The following PTAR1 variants were observed in gnomAD, a reference collection of about 807,000 sequenced individuals.
The protein encoded by PTAR1 is protein prenyltransferase alpha subunit repeat-containing protein 1.
In PTAR1, 17 loss-of-function variants were observed where a neutral mutation model predicts 45.5. That is an observed-to-expected ratio of 0.37 (90% CI 0.26 to 0.56). PTAR1 has a LOEUF of 0.56. Among genes scored for constraint, PTAR1 ranks in the 20% least tolerant of loss-of-function variants. The pLI, the probability that PTAR1 is intolerant of heterozygous loss-of-function variation, is 0.77. For synonymous variants in PTAR1, 169 were observed against 171.3 expected (o/e 0.99, Z 0.11); for missense variants, 391 against 476.3 (o/e 0.82, Z 1.67).
intron 1 of PTAR1, among the ~76,000 whole-genome samples, chr9:69,755,567 A>C (rs1436508482): frequency 6.6e-6 from 1 of 152,204 alleles, no homozygotes; most frequent in Admixed American, 6.5e-5. Flanking sequence ...ACCAAACAGA[A>C]AACAGTCCAA....
intron 4 of PTAR1, among the ~76,000 whole-genome samples, chr9:69,733,392 C>T (rs10867996): frequency 0.4 from 61,413 of 151,850 alleles, 12,808 homozygotes; most frequent in East Asian, 0.49. Context: ...AAAATGCCCA[C>T]GATTTAAGAA....
intron 5 of PTAR1, among the ~76,000 whole-genome samples, chr9:69,727,026 TACACAC>T (rs71356128): frequency 3.4e-4 from 50 of 147,196 alleles, no homozygotes; most frequent in Non-Finnish European, 5.7e-4. Flanking sequence ...ATTGTGTATA[TACACAC>T]ACACACACAC....
chr9:69,734,359 C>A, intron 3 of PTAR1, 105 bp from the exon 4 acceptor site: 21 of 455,626 alleles, frequency 4.6e-5, no homozygotes, highest in Admixed American at 8.2e-5. Context: ...AAGCGAATGT[C>A]TAAGAATTTT....
At chr9:69,730,438 C>G (rs1825481876) in intron 5 of PTAR1, among the ~76,000 whole-genome samples, 1 of 151,362 alleles carries the variant, frequency 6.6e-6, no homozygotes, top group African/African-American at 2.4e-5. Context: ...CTCAGTCAAC[C>G]TGGACTCCGC....
chr9:69,749,692 T>A (rs931855621), intron 2 of PTAR1, among the ~76,000 whole-genome samples: 1 of 152,104 alleles, frequency 6.6e-6, no homozygotes, highest in Non-Finnish European at 1.5e-5. Context: ...AACCAATTAA[T>A]GACAGTATGT....
intron 3 of PTAR1, among the ~76,000 whole-genome samples, chr9:69,734,548 G>A (rs1434188944): frequency 6.6e-6 from 1 of 152,106 alleles, no homozygotes; most frequent in Non-Finnish European, 1.5e-5. Context: ...CTATTTGCGT[G>A]AGGGTAAATG....
chr9:69,712,174 G>A lies in PTAR1; in HGVS notation c.*6168C>T, dbSNP rs951189034. ...TAAGCAATCTAAAGTATGCTGCATA[G>A]TACCTTGAGGAAAGTGACTGCTATA... On this transcript the variant is annotated 3_prime_UTR_variant, in exon 8 of 8. Transcript: ENST00000340434. 2 of 152,110 alleles carry A rather than the reference G, an allele frequency of 1.3e-5. No homozygotes were observed. Among genetic ancestry groups the A allele is most frequent in the Non-Finnish European group, 2.9e-5 (2 of 68,008 alleles). 9.4% of individuals were successfully genotyped at this position (152,110 alleles called of 1,614,324 possible).
chr9:69,739,590 T>C (rs1052413949), intron 3 of PTAR1, among the ~76,000 whole-genome samples: 2 of 152,112 alleles, frequency 1.3e-5, no homozygotes, highest in Non-Finnish European at 2.9e-5. Flanking sequence ...AAAAATGCAT[T>C]AAAAAATCAC....
At chr9:69,730,346 TC>T (rs1303260230) in intron 5 of PTAR1, among the ~76,000 whole-genome samples, 1 of 151,982 alleles carries the variant, frequency 6.6e-6, no homozygotes, top group Non-Finnish European at 1.5e-5. Flanking sequence ...ACCAAAAATT[TC>T]ACTTTGGCCC....
chr9:69,723,139 A>C (rs72721127), intron 6 of PTAR1, among the ~76,000 whole-genome samples, 187 bp downstream of exon 6: 5 of 3,458 alleles, frequency 1.4e-3, no homozygotes, highest in East Asian at 0.02. Flanking sequence ...TCTCTTATTA[A>C]TGATGATGAT....
intron 1 of PTAR1, among the ~76,000 whole-genome samples, chr9:69,759,504 C>G (rs1440756376): frequency 1.3e-5 from 2 of 152,180 alleles, no homozygotes; most frequent in African/African-American, 2.4e-5. Flanking sequence ...GGACCCACAT[C>G]GTTGTGTGCG....
intron 5 of PTAR1, chr9:69,731,842 T>C: frequency 2.6e-6 from 1 of 389,152 alleles, no homozygotes; most frequent in Non-Finnish European, 4.7e-6. Flanking sequence ...CTATAAGGCT[T>C]AATAATCCCT....
rs539621730 is a variant in PTAR1, at chr9:69,755,016, A to T, written c.87-4066T>A. 9.2e-5 allele frequency among the ~76,000 whole-genome samples: 14 copies of T among 152,308 alleles called. 1 individual carries two copies. The East Asian group carries it at 2.7e-3, about 29-fold the overall frequency. Reference sequence around the variant, plus strand: ...TTGCAATGAATGTGCTATAAATATCAAACATATCTCTAGTTATTTCTTTAC... The same window carrying T: ...TTGCAATGAATGTGCTATAAATATCTAACATATCTCTAGTTATTTCTTTAC... On this transcript the variant is annotated intron_variant, in intron 1 of 7. Coordinates refer to ENST00000340434, the MANE Select transcript of PTAR1 (RefSeq NM_001099666.2).
chr9:69,711,639 C>T lies in PTAR1; in HGVS notation c.*6703G>A, dbSNP rs73461062. The T allele has an allele frequency of 1.3e-5, 2 of 152,158 alleles. No homozygotes were observed. Among genetic ancestry groups the T allele is most frequent in the African/African-American group, 2.4e-5 (1 of 41,446 alleles). The allele number at this position is 152,158 out of a possible 1,614,324, so 9.4% of individuals were successfully genotyped here. On this transcript the variant is annotated 3_prime_UTR_variant, in exon 8 of 8. Transcript: ENST00000340434. ...TACAGAGACTGATTGCAGAAGACTA[C>T]AGCAGTTCTCTCTAGAGTTCAGCCA...
At chr9:69,737,555 G>A (rs1825846933) in intron 3 of PTAR1, among the ~76,000 whole-genome samples, 1 of 152,194 alleles carries the variant, frequency 6.6e-6, no homozygotes, top group African/African-American at 2.4e-5. Context: ...ACTAGGTCTT[G>A]TGATGACAAA....
intron 1 of PTAR1, 105 bp downstream of exon 1, chr9:69,759,748 G>A (rs1826998009): frequency 8.6e-7 from 1 of 1,158,944 alleles, no homozygotes; most frequent in Non-Finnish European, 1.2e-6. Context: ...AGGGCTCGTG[G>A]GCCAGGACCC....
At chr9:69,726,818 C>A (rs774123420) in intron 5 of PTAR1, among the ~76,000 whole-genome samples, 2 of 151,552 alleles carry the variant, frequency 1.3e-5, no homozygotes, top group Non-Finnish European at 2.9e-5. Flanking sequence ...ATTTTTCTTA[C>A]GAGTTTGTAA....
intron 6 of PTAR1, among the ~76,000 whole-genome samples, chr9:69,722,030 G>A (rs10867959): frequency 0.14 from 21,978 of 152,020 alleles, 1,709 homozygotes; most frequent in East Asian, 0.26. Context: ...CATGAAATAA[G>A]TGTCTTGGTT....
chr9:69,750,531 C>G (rs1826479190), intron 2 of PTAR1, among the ~76,000 whole-genome samples: 1 of 150,776 alleles, frequency 6.6e-6, no homozygotes, highest in African/African-American at 2.4e-5. Flanking sequence ...CTGATAAAAT[C>G]TGAACTGCTC....
Sources: gnomAD v4.1 joint callset for allele counts (sites outside exome capture counted in the v4.1 genomes callset) on GRCh38, gnomAD v4.1.1 for gene constraint, MANE v1.5 for transcripts, NCBI Gene and HGNC (gene_info 2026-07-23, HGNC 2026-07-21) for gene names.